ZNF577: variants seen among roughly 807,000 people sequenced by gnomAD.
ZNF577 encodes the protein zinc finger protein 577.
In ZNF577, 14 loss-of-function variants were observed where a neutral mutation model predicts 13.9. That is an observed-to-expected ratio of 1.00 (90% CI 0.66 to 1.57). ZNF577 has a LOEUF of 1.57. Ranked by LOEUF, ZNF577 falls within the 40% of genes most tolerant of loss-of-function variation. The pLI is 0.00. For missense variants in ZNF577, 555 were observed against 579.2 expected, an observed-to-expected ratio of 0.96 and a Z score of 0.43; for synonymous variants, 203 against 202.9, an observed-to-expected ratio of 1.00 and a Z score of 0.00.
At chr19:51,843,339 AT>A (rs35052202) in intron 6 of ZNF577, 11,631 of 152,418 alleles carry the variant, frequency 0.076, 667 homozygotes, top group South Asian at 0.23. Context: ...ATCCTTTTAA[AT>A]TCTGGAGTTA....
chr19:51,843,253 G>C (rs1205559847), exon 7 of ZNF577: 2 of 155,300 alleles, frequency 1.3e-5, no homozygotes, highest in East Asian at 1.8e-4. Context: ...TCTGAACAGG[G>C]TCTAATAGAT....
chr19:51,861,111 C>T (rs868403055), intron 5 of ZNF577: 307 of 232,332 alleles, frequency 1.3e-3, no homozygotes, highest in African/African-American at 0.01. Context: ...AATTGACTCT[C>T]TCTTTTTTTT....
At chr19:51,805,679 T>C (rs2084053905) in intron 10 of ZNF577, among the ~76,000 whole-genome samples, 1 of 152,216 alleles carries the variant, frequency 6.6e-6, no homozygotes, top group Non-Finnish European at 1.5e-5. Context: ...TATTCTGAAG[T>C]AGCCTCGCTT....
intron 9 of ZNF577, among the ~76,000 whole-genome samples, chr19:51,818,686 A>G (rs1316200821): frequency 6.6e-6 from 1 of 152,170 alleles, no homozygotes; most frequent in Non-Finnish European, 1.5e-5. Flanking sequence ...AGAGAAAGCA[A>G]AAGCCCTGAA....
At chr19:51,853,574 C>G (rs2084390492) in intron 5 of ZNF577, among the ~76,000 whole-genome samples, 1 of 152,162 alleles carries the variant, frequency 6.6e-6, no homozygotes, top group South Asian at 2.1e-4. Context: ...AACGGCTGTT[C>G]AGCTTCAAGA....
intron 5 of ZNF577, among the ~76,000 whole-genome samples, chr19:51,853,496 A>G (rs187128934): frequency 2.6e-5 from 4 of 152,282 alleles, no homozygotes; most frequent in East Asian, 1.9e-4. Flanking sequence ...TCTTGGGTGA[A>G]CTGCGTTGTA....
intron 1 of ZNF577, among the ~76,000 whole-genome samples, 182 bp from the exon 2 acceptor site, chr19:51,881,059 AT>A (rs922055230): frequency 7.9e-5 from 12 of 152,202 alleles, no homozygotes; most frequent in African/African-American, 2.9e-4. Context: ...TGCAAGAGGA[AT>A]GCCTTTTTTT....
intron 3 of ZNF577, among the ~76,000 whole-genome samples, chr19:51,879,600 A>G (rs999366777): frequency 3.3e-5 from 5 of 152,070 alleles, no homozygotes; most frequent in Non-Finnish European, 5.9e-5. Context: ...AATATTTATA[A>G]TTACATATGT....
intron 1 of ZNF577, 73 bp downstream of exon 1, chr19:51,886,745 CATA>C (rs1166940507): frequency 1.3e-5 from 2 of 152,172 alleles, no homozygotes; most frequent in African/African-American, 4.8e-5. Flanking sequence ...ACTTAATCTT[CATA>C]ATGATTCCAT....
At chr19:51,819,158 G>A (rs572919752) in intron 9 of ZNF577, among the ~76,000 whole-genome samples, 68 of 152,328 alleles carry the variant, frequency 4.5e-4, no homozygotes, top group African/African-American at 1.6e-3. Context: ...AATAGATACA[G>A]AATATTGGAA....
At position 51,829,153 on chromosome 19, in the gene ZNF577, G is replaced by A. The variant is rs143011834; in HGVS notation, c.*599+10740C>T. 3.6e-3 allele frequency among the ~76,000 whole-genome samples: 551 copies of A among 152,200 alleles called. 2 individuals carry two copies. Among genetic ancestry groups the A allele is most frequent in the African/African-American group, 0.013 (531 of 41,530 alleles). On this transcript the variant is annotated intron_variant and NMD_transcript_variant, in intron 9 of 10. Coordinates refer to the ZNF577 transcript ENST00000638827. ...ATCTCTGCCAGGGTCCAACCTGGCC[G>A]AATGACAGATGAAAAATGCACTCTG... is the stretch of plus-strand genomic sequence containing the variant.
At chr19:51,842,947 C>T (rs901024782) in intron 7 of ZNF577, 6 of 152,304 alleles carry the variant, frequency 3.9e-5, no homozygotes, top group African/African-American at 7.2e-5. Context: ...ATCTGAGCAG[C>T]ATTAGAGCTT....
chr19:51,867,856 GTCAGACTAA>G lies in ZNF577; in HGVS notation c.*4667_*4675del, dbSNP rs1324816303. Reference sequence around the variant, plus strand: ...CTAGGGTTGGAAAAAGCCCTCAGAGGTCAGACTAATCAGCACCAATGAGGAATTTCTAGT... The same window carrying G: ...CTAGGGTTGGAAAAAGCCCTCAGAGGTCAGCACCAATGAGGAATTTCTAGT... On this transcript the variant is annotated 3_prime_UTR_variant, in exon 6 of 6. Coordinates refer to ENST00000638348, the MANE Select transcript of ZNF577 (RefSeq NM_001370449.1). Among the ~76,000 whole-genome samples the G allele has an allele frequency of 6.6e-6, 1 of 152,066 alleles. No individual in the cohort carries two copies. Among genetic ancestry groups the G allele is most frequent in the African/African-American group, 2.4e-5 (1 of 41,384 alleles).
At chr19:51,840,725 T>G (rs965201706) in intron 8 of ZNF577, 1 of 152,170 alleles carries the variant, frequency 6.6e-6, no homozygotes, top group Non-Finnish European at 1.5e-5. Context: ...AAGAATGAAC[T>G]TCAAGATCAG....
At chr19:51,852,343 C>G (rs2084383069) in intron 5 of ZNF577, among the ~76,000 whole-genome samples, 1 of 152,212 alleles carries the variant, frequency 6.6e-6, no homozygotes, top group African/African-American at 2.4e-5. Context: ...CAAGACACGT[C>G]AGCACGAGCA....
intron 9 of ZNF577, among the ~76,000 whole-genome samples, chr19:51,836,865 G>A (rs2084289949): frequency 6.6e-6 from 1 of 151,990 alleles, no homozygotes; most frequent in Non-Finnish European, 1.5e-5. Context: ...GCAACATGGT[G>A]AAATCCAGTC....
intron 9 of ZNF577, among the ~76,000 whole-genome samples, chr19:51,832,870 T>C (rs537116823): frequency 1.3e-5 from 2 of 151,972 alleles, no homozygotes; most frequent in South Asian, 2.1e-4. Flanking sequence ...CGGACTCTAT[T>C]GTGTTCCATT....
At chr19:51,819,301 C>G (rs1245161304) in intron 9 of ZNF577, among the ~76,000 whole-genome samples, 3 of 151,982 alleles carry the variant, frequency 2.0e-5, no homozygotes, top group Non-Finnish European at 4.4e-5. Flanking sequence ...CCTGGGGAGG[C>G]CAGTGCTAAT....
chr19:51,881,528 T>C (rs1375626706), intron 1 of ZNF577, among the ~76,000 whole-genome samples: 1 of 152,176 alleles, frequency 6.6e-6, no homozygotes, highest in African/African-American at 2.4e-5. Flanking sequence ...TGAGACAACG[T>C]GTGTTGTGCA....
Sources: allele counts gnomAD v4.1 joint callset (sites outside exome capture counted in the v4.1 genomes callset), GRCh38; gene constraint gnomAD v4.1.1; transcripts MANE v1.5; gene names NCBI Gene and HGNC (gene_info 2026-07-23, HGNC 2026-07-21).